The following FAT1 variants were observed in gnomAD, a reference collection of about 807,000 sequenced individuals.
The protein encoded by FAT1 is FAT atypical cadherin 1.
Under a neutral mutation model 329.8 loss-of-function variants are expected in FAT1, and 171 were observed. That is an observed-to-expected ratio of 0.52 (90% CI 0.46 to 0.59). The LOEUF (loss-of-function observed/expected upper bound fraction) is 0.59, where lower values mean the gene tolerates loss of function less well. FAT1 is among the 20% of genes least tolerant of loss of function. The pLI is 0.00. For synonymous variants in FAT1, 2,233 were observed against 2,228.6 expected (o/e 1.00, Z -0.06); for missense variants, 5,672 against 5,774.4 (o/e 0.98, Z 0.57).
chr4:186,614,696 A>C (rs1038255640), intron 11 of FAT1, among the ~76,000 whole-genome samples: 1 of 152,220 alleles, frequency 6.6e-6, no homozygotes, highest in Non-Finnish European at 1.5e-5. Flanking sequence ...TTTACCTAAA[A>C]ACTGCAGAGA....
rs1259483260 is a variant in FAT1 at position 186,596,645 on chromosome 4, C to A, written c.12895G>T (p.Val4299Leu). 6.2e-7 allele frequency: 1 copy of A among 1,611,010 alleles called. No homozygotes were observed. Among genetic ancestry groups the A allele is most frequent in the Admixed American group, 1.7e-5 (1 of 59,792 alleles). Residue 4299 changes from valine (V) to leucine (L), a missense_variant, in exon 25 of 27, where the codon GTG becomes TTG. By Grantham distance (32) the Val-to-Leu change is conservative. Coordinates refer to ENST00000441802, the MANE Select transcript of FAT1 (RefSeq NM_005245.4). The surrounding 1 kb of genome is among the most constrained non-coding windows in gnomAD (Gnocchi z 4.7). Reference protein sequence around the residue: ...PESVHGHRKAVAVCSVAPNLP... With the variant: ...PESVHGHRKALAVCSVAPNLP... ...TTTGGCGCCACGCTGCAGACCGCCA[C>A]TGCTTTTCGGTGCCCGTGCACAGAC...
At chr4:186,678,337 C>T (rs1053598176) in intron 2 of FAT1, among the ~76,000 whole-genome samples, 1 of 151,560 alleles carries the variant, frequency 6.6e-6, no homozygotes, top group Admixed American at 6.6e-5. Context: ...GGCGCAGTGG[C>T]TCATGCTGGT....
intron 20 of FAT1, among the ~76,000 whole-genome samples, chr4:186,602,528 G>A (rs555058199): frequency 3.3e-5 from 5 of 152,210 alleles, no homozygotes; most frequent in Admixed American, 2.0e-4. Context: ...GTACTGGCTC[G>A]GAACCATACG....
chr4:186,605,434 G>C (rs1191326137), intron 17 of FAT1, among the ~76,000 whole-genome samples: 1 of 133,190 alleles, frequency 7.5e-6, no homozygotes, highest in Non-Finnish European at 1.6e-5. Context: ...GAGGTTGGGG[G>C]AGGAGGTGGA....
rs10561120 is a variant in FAT1 at position 186,682,526 on chromosome 4, C to CAAAA, written c.3266-18917_3266-18914dup. 4.2e-4 allele frequency among the ~76,000 whole-genome samples: 50 copies of CAAAA among 119,734 alleles called. No individual in the cohort carries two copies. The East Asian group carries it at 4.9e-3, about 12-fold the overall frequency. 78.6% of individuals were successfully genotyped at this position (119,734 alleles called of 152,430 possible). A position where few individuals can be genotyped will look rare whatever the true frequency, so the allele number is the denominator to read the frequency against. On this transcript the variant is annotated intron_variant, in intron 2 of 26. Coordinates refer to ENST00000441802, the MANE Select transcript of FAT1 (RefSeq NM_005245.4). ...TGAGTGAAAGAGCGAGACTCTGTCT[C>CAAAA]AAAAAAAAAAAAAAAAAAGAAAGTT...
chr4:186,620,412 CT>C lies in FAT1; in HGVS notation c.6173del (p.Lys2058SerfsTer10), dbSNP rs1560942535. On this transcript the variant is annotated frameshift_variant, in exon 10 of 27. Coordinates refer to ENST00000441802, the MANE Select transcript of FAT1 (RefSeq NM_005245.4). LOFTEE classifies it high-confidence loss of function. ...DVVVEVTEEH[K>X]PSAVAHVVVK... is the part of the protein sequence containing the mutation. ...CGACAACGTGGGCCACTGCAGAAGG[CT>C]TATGTTCCTCTGTCACTTCTACAAC... 1 of 1,614,052 alleles carries C rather than the reference CT, an allele frequency of 6.2e-7. No homozygotes were observed. Among genetic ancestry groups the C allele is most frequent in the Non-Finnish European group, 8.5e-7 (1 of 1,179,900 alleles).
chr4:186,633,626 A>G lies in FAT1; in HGVS notation c.4323+58T>C, dbSNP rs1009732984. ...CCGCTCATATTGCCCGTGGACCCCT[A>G]AGTCAGAACGTTATCTCCATCCTCC... On this transcript the variant is annotated intron_variant, in intron 7 of 26. Coordinates refer to ENST00000441802, the MANE Select transcript of FAT1 (RefSeq NM_005245.4). 1.8e-4 allele frequency: 287 copies of G among 1,601,554 alleles called. 2 individuals are homozygous for G. Among genetic ancestry groups the G allele is most frequent in the Non-Finnish European group, 4.2e-5 (49 of 1,169,594 alleles).
At position 186,609,576 on chromosome 4, in the gene FAT1, C is replaced by T. The variant is rs796701115; in HGVS notation, c.10068+225G>A. Among the ~76,000 whole-genome samples the T allele has an allele frequency of 3.6e-4, 55 of 152,236 alleles. 1 individual carries two copies. Among genetic ancestry groups the T allele is most frequent in the African/African-American group, 1.3e-3 (54 of 41,542 alleles). ...GGACTACAGGCGCCCGCCACCACGCCTGGCTAATTTTTTTTTGTATTTTTA... is the reference window on the plus strand; with the variant it reads ...GGACTACAGGCGCCCGCCACCACGCTTGGCTAATTTTTTTTTGTATTTTTA... On this transcript the variant is annotated intron_variant, in intron 15 of 26. Coordinates refer to ENST00000441802, the MANE Select transcript of FAT1 (RefSeq NM_005245.4).
chr4:186,590,020 C>T (rs1321835406), intron 26 of FAT1, among the ~76,000 whole-genome samples: 1 of 152,054 alleles, frequency 6.6e-6, no homozygotes, highest in Admixed American at 6.6e-5. Context: ...ATTGAACAAG[C>T]GTTGCAAGAT....
In FAT1 at chr4:186,620,457, C is replaced by T. The variant is rs762949258; in HGVS notation, c.6129G>A (p.Gln2043=). Residue 2043 remains glutamine, a synonymous_variant, in exon 10 of 27, where the codon CAG becomes CAA. Coordinates refer to ENST00000441802, the MANE Select transcript of FAT1 (RefSeq NM_005245.4). ...STTGTPFDRE[Q]QEAFDVVVEV... is the part of the protein sequence containing the mutation. ...CTACAACCACATCAAACGCCTCCTG[C>T]TGCTCACGATCGAAGGGCGTGCCAG... 8 of 1,614,046 alleles carry T rather than the reference C, an allele frequency of 5.0e-6. No homozygotes were observed. The South Asian group carries it at 8.8e-5, about 18-fold the overall frequency.
intron 9 of FAT1, among the ~76,000 whole-genome samples, chr4:186,624,705 T>C (rs934499531): frequency 6.6e-6 from 1 of 152,236 alleles, no homozygotes; most frequent in African/African-American, 2.4e-5. Context: ...ACATGCAGTG[T>C]TACGTACTGA....
At chr4:186,673,946 C>G (rs1184159308) in intron 2 of FAT1, among the ~76,000 whole-genome samples, 1 of 152,180 alleles carries the variant, frequency 6.6e-6, no homozygotes, top group East Asian at 1.9e-4. Context: ...CAAAACTTAT[C>G]ATCTGGACAC....
Position 186,621,687 on chromosome 4 carries a change from A to G in FAT1, c.4899T>C (p.Tyr1633=). 1 of 1,613,910 alleles carries G rather than the reference A, an allele frequency of 6.2e-7. No homozygotes were observed. Among genetic ancestry groups the G allele is most frequent in the Non-Finnish European group, 8.5e-7 (1 of 1,179,860 alleles). ...TATCTGTAGCTTTTACCATTAAATC[A>G]TACTCCGCTTGGTTACTTCGATCTA... ...KELDRSNQAE[Y]DLMVKATDKG... Residue 1633 remains tyrosine (Y), a synonymous_variant, in exon 10 of 27, where the codon TAT becomes TAC. Coordinates refer to ENST00000441802, the MANE Select transcript of FAT1 (RefSeq NM_005245.4).
intron 3 of FAT1, among the ~76,000 whole-genome samples, chr4:186,653,087 G>C (rs1199648053): frequency 1.3e-5 from 2 of 152,182 alleles, no homozygotes; most frequent in Non-Finnish European, 2.9e-5. Flanking sequence ...TGGAAACTGA[G>C]TAATTTGAGT....
In FAT1 at chr4:186,709,720, G is replaced by A. The variant is rs368755360; in HGVS notation, c.108C>T (p.His36=). ...RLEQTPLQFT[H]LEYNVTVQEN... is the part of the protein sequence containing the mutation. ...CCTGCACGGTGACGTTGTACTCGAG[G>A]TGTGTAAACTGCAGAGGAGTCTGTT... The change falls in exon 2 of 27, where the codon CAC becomes CAT. Residue 36 remains histidine, a synonymous_variant. Coordinates refer to ENST00000441802, the MANE Select transcript of FAT1 (RefSeq NM_005245.4). 2.4e-5 allele frequency: 39 copies of A among 1,613,796 alleles called. No homozygotes were observed. Among genetic ancestry groups the A allele is most frequent in the Non-Finnish European group, 3.1e-5 (36 of 1,179,854 alleles).
intron 18 of FAT1, among the ~76,000 whole-genome samples, 181 bp from the exon 19 acceptor site, chr4:186,604,158 C>T (rs1175387135): frequency 1.3e-5 from 2 of 152,204 alleles, no homozygotes; most frequent in African/African-American, 4.8e-5. Context: ...CTAATTCACA[C>T]TGAAACCCAG....
intron 1 of FAT1, among the ~76,000 whole-genome samples, chr4:186,717,238 C>T (rs932580476): frequency 6.6e-6 from 1 of 152,184 alleles, no homozygotes; most frequent in Middle Eastern, 3.2e-3. Context: ...CACTGAAATA[C>T]TAATGAGTAG....
Position 186,596,665 on chromosome 4 carries a change from A to G in FAT1, c.12875T>C (p.Val4292Ala), listed in dbSNP as rs2126388053. ...CGCCACTGCTTTTCGGTGCCCGTGC[A>G]CAGACTCGGGGTTAAAAGTGCTGAA... The part of the protein sequence containing the change: ...PEFSTFNPES[V>A]HGHRKAVAVC... The change falls in exon 25 of 27, where the codon GTG becomes GCG. Residue 4292 changes from valine to alanine, a missense_variant. Transcript: ENST00000441802. This position sits in a 1 kb window ranked among gnomAD's most constrained non-coding sequence, Gnocchi z 4.7. 6.2e-7 allele frequency: 1 copy of G among 1,612,256 alleles called. No homozygotes were observed. The highest frequency in any genetic ancestry group is 8.5e-7 in the Non-Finnish European group (1 of 1,178,870).
chr4:186,725,540 T>C (rs1025837150), upstream of FAT1, among the ~76,000 whole-genome samples: 22 of 151,828 alleles, frequency 1.4e-4, no homozygotes, highest in Admixed American at 6.6e-5. The surrounding 1 kb of genome is among the most constrained non-coding windows in gnomAD (Gnocchi z 5.4). Context: ...GAAATCTATC[T>C]GCCTGGAAGA....
Sources: allele counts gnomAD v4.1 joint callset (sites outside exome capture counted in the v4.1 genomes callset), GRCh38; gene constraint gnomAD v4.1.1; non-coding constraint Gnocchi (gnomAD v3.1); transcripts MANE v1.5; gene names NCBI Gene and HGNC (gene_info 2026-07-23, HGNC 2026-07-21).